The following SMPD3 variants were observed in gnomAD, a reference collection of about 807,000 sequenced individuals.
The protein encoded by SMPD3 is nSMase-2.
In SMPD3, 21 loss-of-function variants were observed where a neutral mutation model predicts 55.7. That is an observed-to-expected ratio of 0.38 (90% CI 0.27 to 0.54). SMPD3 has a LOEUF of 0.54. Ranked by LOEUF, SMPD3 falls within the 20% of genes least tolerant of loss-of-function variation. SMPD3 has a pLI of 0.80. For synonymous variants in SMPD3, 457 were observed against 404.3 expected (o/e 1.13, Z -1.56); for missense variants, 842 against 899.6 (o/e 0.94, Z 0.82).
Position 68,371,828 on chromosome 16 carries a change from C to A in SMPD3, c.354G>T (p.Thr118=). 6.2e-7 allele frequency: 1 copy of A among 1,605,036 alleles called. No individual in the cohort carries two copies. The highest frequency in any genetic ancestry group is 1.1e-5 in the South Asian group (1 of 89,410). ...CAAAGCAGAAGCTTTTGCCAGGCCCCGTGCCCTTCCATTCACTGAGCAGGG... is the reference window on the plus strand; with the variant it reads ...CAAAGCAGAAGCTTTTGCCAGGCCCAGTGCCCTTCCATTCACTGAGCAGGG... The part of the protein sequence containing the change: ...GAALLSEWKG[T]GPGKSFCFAT... The change falls in exon 3 of 9, where the codon ACG becomes ACT. Residue 118 remains threonine, a synonymous_variant. Transcript: ENST00000219334.
chr16:68,364,619 G>C (rs1205133454), intron 5 of SMPD3, 132 bp downstream of exon 5: 2 of 1,032,208 alleles, frequency 1.9e-6, no homozygotes, highest in African/African-American at 3.2e-5. Flanking sequence ...AATCAGTCTT[G>C]CTAAATACCC....
At chr16:68,397,679 G>C (rs1371685086) in intron 1 of SMPD3, among the ~76,000 whole-genome samples, 1 of 152,092 alleles carries the variant, frequency 6.6e-6, no homozygotes, top group Non-Finnish European at 1.5e-5. Flanking sequence ...TTTCCTTCTT[G>C]GTCCCGTTCT....
intron 1 of SMPD3, among the ~76,000 whole-genome samples, chr16:68,403,826 G>A (rs887497192): frequency 5.3e-5 from 8 of 152,172 alleles, no homozygotes; most frequent in African/African-American, 1.9e-4. Context: ...TAATGAAGGG[G>A]AACAGTTCCC....
chr16:68,441,393 G>T, intron 1 of SMPD3, among the ~76,000 whole-genome samples: 1 of 152,048 alleles, frequency 6.6e-6, no homozygotes, highest in South Asian at 2.1e-4. Context: ...AAACAGTCTA[G>T]AACAACACTG....
chr16:68,426,889 G>A (rs960949095), intron 1 of SMPD3, among the ~76,000 whole-genome samples: 2 of 151,864 alleles, frequency 1.3e-5, no homozygotes, highest in African/African-American at 2.4e-5. Context: ...ATCAATCCAC[G>A]TAGGTCAATA....
intron 1 of SMPD3, among the ~76,000 whole-genome samples, chr16:68,400,867 T>C (rs1175285193): frequency 1.3e-5 from 2 of 152,266 alleles, no homozygotes; most frequent in Non-Finnish European, 2.9e-5. Context: ...TGGCAACTTC[T>C]GGCCAGCTCT....
chr16:68,376,819 G>A (rs954650340), intron 2 of SMPD3, among the ~76,000 whole-genome samples: 2 of 152,296 alleles, frequency 1.3e-5, no homozygotes, highest in South Asian at 4.1e-4. Flanking sequence ...CCTGGCCCTC[G>A]GCTTCACCGG....
chr16:68,372,204 C>A lies in SMPD3; in HGVS notation c.-23G>T. On this transcript the variant is annotated 5_prime_UTR_variant, in exon 3 of 9. Coordinates refer to ENST00000219334, the MANE Select transcript of SMPD3 (RefSeq NM_018667.4). Reference sequence around the variant, plus strand: ...CATCGCAGCTCACTGGGCGCCGCAGCCGGCCCTACTACATGGTGTCCGTGG... The same window carrying A: ...CATCGCAGCTCACTGGGCGCCGCAGACGGCCCTACTACATGGTGTCCGTGG... 1 of 1,605,658 alleles carries A rather than the reference C, an allele frequency of 6.2e-7. No homozygotes were observed.
At position 68,361,756 on chromosome 16, in the gene SMPD3, G is replaced by A. The variant is rs779797953; in HGVS notation, c.1713C>T (p.Val571=). 8.1e-6 allele frequency: 13 copies of A among 1,610,588 alleles called. No homozygotes were observed. The highest frequency in any genetic ancestry group is 1.3e-5 in the African/African-American group (1 of 75,000). ...CCCTGCGGCCCTCCTCACTCTCCAG[G>A]ACCCTGTCCACACATGCAGGAGGCA... ...DVCTPDNLQK[V]LESEEGRREY... The change falls in exon 8 of 9, where the codon GTC becomes GTT. Residue 571 remains valine (V), a synonymous_variant. Coordinates refer to ENST00000219334, the MANE Select transcript of SMPD3 (RefSeq NM_018667.4).
chr16:68,439,110 G>A (rs1004879843), intron 1 of SMPD3, among the ~76,000 whole-genome samples: 4 of 152,166 alleles, frequency 2.6e-5, no homozygotes, highest in African/African-American at 4.8e-5. Context: ...TTGCCATGGC[G>A]GGAAAAGTTA....
intron 1 of SMPD3, among the ~76,000 whole-genome samples, chr16:68,438,605 T>C (rs1156280987): frequency 6.6e-6 from 1 of 152,216 alleles, no homozygotes; most frequent in African/African-American, 2.4e-5. Flanking sequence ...ATCTATTTCA[T>C]ATGGAAACTC....
At chr16:68,374,731 C>G (rs1040540261) in intron 2 of SMPD3, among the ~76,000 whole-genome samples, 27 of 152,202 alleles carry the variant, frequency 1.8e-4, no homozygotes, top group Admixed American at 9.2e-4. Flanking sequence ...AGGGTTCCCC[C>G]CCAGCAAACC....
At chr16:68,405,545 C>CAAAAAAAAAAAAAAAA (rs67518521) in intron 1 of SMPD3, among the ~76,000 whole-genome samples, 1 of 72,990 alleles carries the variant, frequency 1.4e-5, no homozygotes, top group African/African-American at 5.3e-5. Context: ...GACCCTGTCT[C>CAAAAAAAAAAAAAAAA]AAAAAAAAAA....
At position 68,372,079 on chromosome 16, in the gene SMPD3, C is replaced by T. The variant is rs751741427; in HGVS notation, c.103G>A (p.Ala35Thr). 51 of 1,599,606 alleles carry T rather than the reference C, an allele frequency of 3.2e-5. No individual in the cohort carries two copies. The highest frequency in any genetic ancestry group is 9.0e-5 in the South Asian group (8 of 89,106). ...TAGGTGGTGGGTATGAAGGAGGCAG[C>T]GAGCCGGTCCACCAGCCAGTAGCAT... ...FPCYWLVDRL[A>T]ASFIPTTYEK... Residue 35 changes from alanine to threonine, a missense_variant, in exon 3 of 9, where the codon GCT becomes ACT. Coordinates refer to ENST00000219334, the MANE Select transcript of SMPD3 (RefSeq NM_018667.4).
intron 1 of SMPD3, among the ~76,000 whole-genome samples, chr16:68,445,802 G>T (rs182634754): frequency 6.6e-5 from 10 of 152,296 alleles, no homozygotes; most frequent in African/African-American, 2.4e-4. Flanking sequence ...TCTCTGTGAA[G>T]ATTATCTCAA....
intron 2 of SMPD3, among the ~76,000 whole-genome samples, chr16:68,375,828 C>T (rs774197962): frequency 2.6e-5 from 4 of 152,172 alleles, no homozygotes; most frequent in Non-Finnish European, 2.9e-5. Flanking sequence ...AGCTGGTGGG[C>T]AGGAGTGGCC....
At position 68,372,242 on chromosome 16, in the gene SMPD3, C is replaced by T. The variant is rs1354252707; in HGVS notation, c.-61G>A. On this transcript the variant is annotated 5_prime_UTR_variant, in exon 3 of 9. The change creates a new upstream start codon in the 5' untranslated region. Transcript: ENST00000219334. ...ATGGTGTCCGTGGCAGCTGCGGGCA[C>T]TTTCCTGGGCGAGGGTGGGCGAGTT... 6.3e-7 allele frequency: 1 copy of T among 1,576,066 alleles called. No individual in the cohort carries two copies. The highest frequency in any genetic ancestry group is 8.6e-7 in the Non-Finnish European group (1 of 1,162,100).
intron 1 of SMPD3, among the ~76,000 whole-genome samples, chr16:68,422,924 A>C (rs2090407053): frequency 6.6e-6 from 1 of 152,188 alleles, no homozygotes; most frequent in African/African-American, 2.4e-5. Context: ...TTCCTTAACC[A>C]TTGAACACAT....
intron 1 of SMPD3, among the ~76,000 whole-genome samples, chr16:68,389,260 G>C (rs528241786): frequency 6.6e-6 from 1 of 152,340 alleles, no homozygotes; most frequent in Admixed American, 6.5e-5. Flanking sequence ...TCTGGAGCCA[G>C]CAGTGGTCCC....
Sources: allele counts gnomAD v4.1 joint callset (sites outside exome capture counted in the v4.1 genomes callset), GRCh38; gene constraint gnomAD v4.1.1; transcripts MANE v1.5; gene names NCBI Gene and HGNC (gene_info 2026-07-23, HGNC 2026-07-21).